The following RAB3C variants were observed in gnomAD, a reference collection of about 807,000 sequenced individuals.
RAB3C encodes ras-related protein Rab-3C.
In RAB3C, 17 loss-of-function variants were observed where a neutral mutation model predicts 26.4. The ratio of observed to expected loss-of-function variants is 0.64; its 90% CI spans 0.44 to 0.97. The LOEUF (loss-of-function observed/expected upper bound fraction) is 0.97, where lower values mean the gene tolerates loss of function less well. Among genes scored for constraint, RAB3C ranks in the 50% least tolerant of loss-of-function variants. The probability of loss-of-function intolerance (pLI) is 0.00; values close to 1 mark genes in which losing one functional copy is unlikely to be tolerated. For missense variants in RAB3C, 242 were observed against 281.9 expected (o/e 0.86, Z 1.01); for synonymous variants, 91 against 95.9 (o/e 0.95, Z 0.30).
chr5:58,659,800 T>G (rs1201324364), intron 2 of RAB3C, among the ~76,000 whole-genome samples: 2 of 152,216 alleles, frequency 1.3e-5, no homozygotes, highest in Non-Finnish European at 2.9e-5. Flanking sequence ...GATCCCTTTT[T>G]TTCTTAAGCT....
chr5:58,599,925 A>G (rs534356512), intron 1 of RAB3C, among the ~76,000 whole-genome samples: 57 of 152,244 alleles, frequency 3.7e-4, no homozygotes, highest in African/African-American at 1.3e-3. Flanking sequence ...ATCCTTGCCT[A>G]AGCCAATGTC....
intron 4 of RAB3C, among the ~76,000 whole-genome samples, chr5:58,846,106 G>A (rs1743995840): frequency 6.6e-6 from 1 of 152,174 alleles, no homozygotes; most frequent in Non-Finnish European, 1.5e-5. Flanking sequence ...ATGTTATAAC[G>A]TGTGAAAATT....
intron 2 of RAB3C, among the ~76,000 whole-genome samples, chr5:58,672,047 A>G (rs1748128667): frequency 6.6e-6 from 1 of 152,234 alleles, no homozygotes; most frequent in African/African-American, 2.4e-5. Context: ...CCATCATCCC[A>G]GAATTTTATA....
rs113232384 is a variant in RAB3C at position 58,834,640 on chromosome 5, C to G, written c.496+9478C>G. The stretch of plus-strand genomic sequence containing the variant: ...TGATGCTACTAAAATGTTCTAAGTA[C>G]CTATCTGCACACACCTCTGAGGAGA... On this transcript the variant is annotated intron_variant, in intron 4 of 4. Coordinates refer to ENST00000282878, the MANE Select transcript of RAB3C (RefSeq NM_138453.4). 8.5e-3 allele frequency among the ~76,000 whole-genome samples: 1,292 copies of G among 152,302 alleles called. 23 individuals carry two copies. Among genetic ancestry groups the G allele is most frequent in the African/African-American group, 0.029 (1,209 of 41,554 alleles).
At chr5:58,799,637 G>A (rs1342968438) in intron 3 of RAB3C, among the ~76,000 whole-genome samples, 5 of 152,098 alleles carry the variant, frequency 3.3e-5, no homozygotes, top group Admixed American at 2.6e-4. Flanking sequence ...GTTGTGCTGT[G>A]CTCCCCTCCA....
chr5:58,674,273 C>T (rs10079823), intron 2 of RAB3C, among the ~76,000 whole-genome samples: 18,353 of 152,198 alleles, frequency 0.12, 1,424 homozygotes, highest in Non-Finnish European at 0.17. Flanking sequence ...AAGATTTAGA[C>T]TTCGAGGCAT....
At chr5:58,636,747 C>A (rs1054761422) in intron 2 of RAB3C, among the ~76,000 whole-genome samples, 1 of 152,150 alleles carries the variant, frequency 6.6e-6, no homozygotes, top group African/African-American at 2.4e-5. Flanking sequence ...GTCTCCTTTT[C>A]GTTCCCGAAG....
intron 3 of RAB3C, among the ~76,000 whole-genome samples, chr5:58,733,234 A>T (rs1481656993): frequency 6.6e-6 from 1 of 152,172 alleles, no homozygotes; most frequent in African/African-American, 2.4e-5. Context: ...AGTGAGTAAA[A>T]CTACATAGAA....
chr5:58,678,062 C>T lies in RAB3C; in HGVS notation c.253-47940C>T, dbSNP rs557307287. On this transcript the variant is annotated intron_variant, in intron 2 of 4. Coordinates refer to ENST00000282878, the MANE Select transcript of RAB3C (RefSeq NM_138453.4). ...TGGGGAAGTGGGCAAGGAAAATAAT[C>T]CTAGGAACAGCCATGGAAGCTCATG... Among the ~76,000 whole-genome samples, 7 of 150,606 alleles carry T rather than the reference C, an allele frequency of 4.6e-5. No individual in the cohort carries two copies. The East Asian group carries it at 9.7e-4, about 21-fold the overall frequency.
intron 3 of RAB3C, among the ~76,000 whole-genome samples, chr5:58,745,123 C>T (rs535847104): frequency 9.2e-5 from 14 of 152,000 alleles, no homozygotes; most frequent in South Asian, 8.3e-4. Flanking sequence ...GGGGGCCGGG[C>T]GCGGTGGCTC....
chr5:58,669,460 C>T (rs568238985), intron 2 of RAB3C, among the ~76,000 whole-genome samples: 1 of 152,150 alleles, frequency 6.6e-6, no homozygotes, highest in Admixed American at 6.5e-5. Context: ...TACATCCAAC[C>T]CACTTCCCAA....
chr5:58,712,480 T>G (rs1045739080), intron 2 of RAB3C, among the ~76,000 whole-genome samples: 2 of 152,196 alleles, frequency 1.3e-5, no homozygotes, highest in African/African-American at 4.8e-5. Flanking sequence ...ATAACTAGTT[T>G]TATTCTTGGT....
intron 3 of RAB3C, among the ~76,000 whole-genome samples, chr5:58,796,835 C>T (rs1308576471): frequency 2.0e-5 from 3 of 152,054 alleles, no homozygotes; most frequent in Non-Finnish European, 4.4e-5. Flanking sequence ...CCAAACTCAA[C>T]TGGAAGGCAC....
chr5:58,621,822 C>T (rs190089578), intron 2 of RAB3C, among the ~76,000 whole-genome samples: 1 of 152,178 alleles, frequency 6.6e-6, no homozygotes, highest in South Asian at 2.1e-4. Flanking sequence ...GTGATCCACT[C>T]GCCTCAGCCT....
In RAB3C at chr5:58,699,011, G is replaced by A. The variant is rs533781160; in HGVS notation, c.253-26991G>A. 8.5e-5 allele frequency among the ~76,000 whole-genome samples: 13 copies of A among 152,256 alleles called. No homozygotes were observed. In the East Asian group the frequency reaches 9.7e-4, roughly 11 times the overall value. ...TCCTTTGGAGGAGAAGAGGCGCTCCGATTTTTAGTATTTTCAGCTTTTCTG... is the reference window on the plus strand; with the variant it reads ...TCCTTTGGAGGAGAAGAGGCGCTCCAATTTTTAGTATTTTCAGCTTTTCTG... On this transcript the variant is annotated intron_variant, in intron 2 of 4. Transcript: ENST00000282878.
intron 2 of RAB3C, among the ~76,000 whole-genome samples, 165 bp from the exon 3 acceptor site, chr5:58,725,837 T>A (rs1246650465): frequency 6.6e-6 from 1 of 151,806 alleles, no homozygotes; most frequent in Non-Finnish European, 1.5e-5. Flanking sequence ...AGTAAAAAAA[T>A]CATTTTTAAA....
chr5:58,761,046 C>T (rs1270292533), intron 3 of RAB3C, among the ~76,000 whole-genome samples: 1 of 137,996 alleles, frequency 7.2e-6, no homozygotes, highest in Non-Finnish European at 1.6e-5. Flanking sequence ...CTCTCTCTCT[C>T]TCCCTCTCTC....
chr5:58,639,534 C>A (rs1200808478), intron 2 of RAB3C, among the ~76,000 whole-genome samples: 1 of 152,120 alleles, frequency 6.6e-6, no homozygotes. Context: ...GGAGAGAGAG[C>A]CCTGATCTCT....
chr5:58,607,489 T>G (rs1024240990), intron 1 of RAB3C, among the ~76,000 whole-genome samples: 4 of 152,118 alleles, frequency 2.6e-5, no homozygotes, highest in Non-Finnish European at 5.9e-5. Flanking sequence ...AAAACACTCT[T>G]CAGGATATTA....
Sources: allele counts gnomAD v4.1 joint callset (sites outside exome capture counted in the v4.1 genomes callset), GRCh38; gene constraint gnomAD v4.1.1; transcripts MANE v1.5; gene names NCBI Gene and HGNC (gene_info 2026-07-23, HGNC 2026-07-21).